HNRNPU: variants seen among roughly 807,000 people sequenced by gnomAD.
HNRNPU encodes the protein HNRNPU antisense RNA 1.
In HNRNPU, 5 loss-of-function variants were observed where a neutral mutation model predicts 94.7. The observed-to-expected ratio is 0.05, with a 90% CI of 0.03 to 0.11. The LOEUF (loss-of-function observed/expected upper bound fraction) is 0.11, where lower values mean the gene tolerates loss of function less well. Ranked by LOEUF, HNRNPU falls within the 10% of genes least tolerant of loss-of-function variation. HNRNPU has a pLI of 1.00. For synonymous variants in HNRNPU, 434 were observed against 381.6 expected (o/e 1.14, Z -1.60); for missense variants, 710 against 1,049.2 (o/e 0.68, Z 4.47).
intron 4 of HNRNPU, 151 bp downstream of exon 4, chr1:244,860,184 G>A (rs960612057): frequency 2.2e-5 from 13 of 594,164 alleles, no homozygotes; most frequent in South Asian, 4.5e-5. Context: ...CCTCTAGTCC[G>A]AGCTACTTGA....
Position 244,864,412 on chromosome 1 carries a change from G to GCTCCT in HNRNPU, c.-106_-105insAGGAG. On this transcript the variant is annotated 5_prime_UTR_variant, in exon 1 of 14. Coordinates refer to ENST00000640218, the MANE Select transcript of HNRNPU (RefSeq NM_031844.3). The stretch of plus-strand genomic sequence containing the variant: ...CTGCTCCTCGGCCCGGGCGGCGGCT[G>GCTCCT]CGGCTGCGGCTGGAGATGGGTTCGT... The GCTCCT allele has an allele frequency of 1.9e-6, 3 of 1,556,068 alleles. No homozygotes were observed. Among genetic ancestry groups the GCTCCT allele is most frequent in the Non-Finnish European group, 2.6e-6 (3 of 1,154,010 alleles).
chr1:244,859,409 C>T (rs938853030), intron 4 of HNRNPU, 35 bp from the exon 5 acceptor site: 11 of 1,043,782 alleles, frequency 1.1e-5, no homozygotes, highest in African/African-American at 7.8e-5. Context: ...TAAAATAATA[C>T]ACCAAGGAGG....
In HNRNPU at chr1:244,858,141, A is replaced by G. The variant is rs1410314713; in HGVS notation, c.1364T>C (p.Val455Ala). Reference protein sequence around the residue: ...FPHVLCHNCAVEFNFGQKEKP... With the variant: ...FPHVLCHNCAAEFNFGQKEKP... Reference sequence around the variant, plus strand: ...TTCCTTCTGACCAAAATTAAATTCAACTGCACAGTTGTGGCAGAGAACATG... The same window carrying G: ...TTCCTTCTGACCAAAATTAAATTCAGCTGCACAGTTGTGGCAGAGAACATG... Residue 455 changes from valine (V) to alanine (A), a missense_variant, in exon 7 of 14, where the codon GTT (valine) becomes GCT (alanine). Val to Ala is a moderately conservative substitution (Grantham distance 64). Transcript: ENST00000640218. 3 of 1,614,156 alleles carry G rather than the reference A, an allele frequency of 1.9e-6. No individual in the cohort carries two copies. The highest frequency in any genetic ancestry group is 1.7e-5 in the Admixed American group (1 of 60,016).
chr1:244,855,320 A>AT, intron 12 of HNRNPU, 104 bp downstream of exon 12: 1 of 1,130,658 alleles, frequency 8.8e-7, no homozygotes, highest in Non-Finnish European at 1.3e-6. Flanking sequence ...GTCAATGCCT[A>AT]TCATGTTCCT....
chr1:244,859,935 G>A (rs534906769), intron 4 of HNRNPU: 165 of 164,826 alleles, frequency 1.0e-3, no homozygotes, highest in African/African-American at 3.6e-3. Context: ...GGCTCAGGCG[G>A]GCAGATCACT....
chr1:244,863,091 T>G, intron 1 of HNRNPU: 2 of 211,556 alleles, frequency 9.5e-6, no homozygotes, highest in African/African-American at 2.4e-5. Flanking sequence ...GGCCGCATTG[T>G]ACTGATCTTC....
chr1:244,864,182 C>T lies in HNRNPU; in HGVS notation c.126G>A (p.Leu42=), dbSNP rs1271297441. ...GGCGGCCCCCGGCCTCCTCGTCGTC[C>T]AGCGCAGCCTGGAGTCGCTCCATGA... The part of the protein sequence containing the change: ...AELMERLQAA[L]DDEEAGGRPA... Residue 42 remains leucine (L), a synonymous_variant, in exon 1 of 14, where the codon CTG becomes CTA. Transcript: ENST00000640218. 1.9e-6 allele frequency: 3 copies of T among 1,608,488 alleles called. No homozygotes were observed. The highest frequency in any genetic ancestry group is 2.5e-6 in the Non-Finnish European group (3 of 1,177,858).
intron 12 of HNRNPU, 28 bp from the exon 13 acceptor site, chr1:244,855,072 C>G: frequency 6.3e-7 from 1 of 1,577,208 alleles, no homozygotes; most frequent in East Asian, 2.2e-5. Flanking sequence ...TCTCTAAGAG[C>G]TCTGAGCCCA....
intron 13 of HNRNPU, 49 bp from the exon 14 acceptor site, chr1:244,854,552 C>A: frequency 1.7e-6 from 2 of 1,211,922 alleles, no homozygotes; most frequent in South Asian, 1.2e-5. Context: ...ATAAGCCACT[C>A]AAACTGTTTT....
rs1280870146 is a variant in HNRNPU at position 244,863,682 on chromosome 1, T to C, written c.626A>G (p.Gln209Arg). ...TTCCGCCTTCTTCTTACCTCCCGCCTGCTGCTGGCCCTGCCTCGCCCCGGG... is the reference window on the plus strand; with the variant it reads ...TTCCGCCTTCTTCTTACCTCCCGCCCGCTGCTGGCCCTGCCTCGCCCCGGG... ...APPGARQGQQQAGGKKKAEGG... is the reference protein window; with the variant it reads ...APPGARQGQQRAGGKKKAEGG... Residue 209 changes from glutamine (Q) to arginine (R), a missense_variant, in exon 1 of 14, where the codon CAG becomes CGG. This residue lies in a region of HNRNPU where 292 missense variants were observed against 293.4 expected (regional missense o/e 1.00). Coordinates refer to ENST00000640218, the MANE Select transcript of HNRNPU (RefSeq NM_031844.3). 1 of 1,563,170 alleles carries C rather than the reference T, an allele frequency of 6.4e-7. No individual in the cohort carries two copies. Among genetic ancestry groups the C allele is most frequent in the Non-Finnish European group, 8.6e-7 (1 of 1,164,402 alleles).
chr1:244,864,494 C>A lies in HNRNPU; in HGVS notation c.-187G>T. On this transcript the variant is annotated 5_prime_UTR_variant, in exon 1 of 14. Coordinates refer to ENST00000640218, the MANE Select transcript of HNRNPU (RefSeq NM_031844.3). ...GCGCCAATTCCTTTCACCGAGTTCG[C>A]GAGGGAGACGCGGAGACTCGCCTGG... The A allele has an allele frequency of 1.0e-6, 1 of 992,088 alleles. No homozygotes were observed. The highest frequency in any genetic ancestry group is 1.4e-6 in the Non-Finnish European group (1 of 706,856). 61.5% of individuals were successfully genotyped at this position (992,088 alleles called of 1,614,324 possible).
In HNRNPU at chr1:244,851,132, A is replaced by G. The variant is rs1245840982; in HGVS notation, c.*3318T>C. ...CCAAGTTCCATCCACTTTTGAAAAC[A>G]AGACATTTATGTATAGGAAGAGAAT... is the stretch of plus-strand genomic sequence containing the variant. On this transcript the variant is annotated 3_prime_UTR_variant, in exon 14 of 14. Coordinates refer to ENST00000640218, the MANE Select transcript of HNRNPU (RefSeq NM_031844.3). 2 of 152,220 alleles carry G rather than the reference A, an allele frequency of 1.3e-5. No individual in the cohort carries two copies. The allele number at this position is 152,220 out of a possible 1,614,324, so 9.4% of individuals were successfully genotyped here.
intron 8 of HNRNPU, 104 bp downstream of exon 8, chr1:244,857,494 A>C (rs1340109833): frequency 8.4e-7 from 1 of 1,185,818 alleles, no homozygotes; most frequent in South Asian, 1.5e-5. Flanking sequence ...TGATCCATCC[A>C]CCTCAGCCTC....
Position 244,856,637 on chromosome 1 carries a change from G to A in HNRNPU, c.1744-12C>T. On this transcript the variant is annotated splice_polypyrimidine_tract_variant and intron_variant, in intron 9 of 13. Transcript: ENST00000640218. ...GCAGACACATTTGTCTTTAAAAAAA[G>A]AAATTTATGTTTACAACCCTAAACA... 6.2e-6 allele frequency: 10 copies of A among 1,611,686 alleles called. No homozygotes were observed. The highest frequency in any genetic ancestry group is 2.2e-5 in the East Asian group (1 of 44,862).
chr1:244,862,750 C>T lies in HNRNPU; in HGVS notation c.692-20G>A, dbSNP rs1484283262. ...CGTCCCCTAAAACACACACGAGCCC[C>T]ATAAAGGCCAAGCCTCTAAACAACA... is the stretch of plus-strand genomic sequence containing the variant. On this transcript the variant is annotated intron_variant, in intron 1 of 13. Transcript: ENST00000640218. 1 of 1,574,236 alleles carries T rather than the reference C, an allele frequency of 6.4e-7. No homozygotes were observed. Among genetic ancestry groups the T allele is most frequent in the Admixed American group, 1.7e-5 (1 of 59,982 alleles).
At chr1:244,861,124 C>A (rs1401247063) in intron 3 of HNRNPU, 1 of 152,240 alleles carries the variant, frequency 6.6e-6, no homozygotes, top group African/African-American at 2.4e-5. Context: ...AACCCAGCTA[C>A]CTATGGGTCA....
At chr1:244,859,198 G>A in intron 5 of HNRNPU, 77 bp downstream of exon 5, 2 of 749,554 alleles carry the variant, frequency 2.7e-6, no homozygotes, top group East Asian at 5.0e-5. Context: ...GGCTTAGAAT[G>A]CCCTCTAGTT....
chr1:244,860,398 A>G lies in HNRNPU; in HGVS notation c.954T>C (p.Phe318=), dbSNP rs1350905227. 1 of 1,613,890 alleles carries G rather than the reference A, an allele frequency of 6.2e-7. No homozygotes were observed. Among genetic ancestry groups the G allele is most frequent in the Non-Finnish European group, 8.5e-7 (1 of 1,179,742 alleles). Residue 318 remains phenylalanine, a synonymous_variant, in exon 4 of 14, where the codon TTT becomes TTC. Transcript: ENST00000640218. ...ASSLTMESFA[F]LWAGGRASYG... is the part of the protein sequence containing the mutation. Reference sequence around the variant, plus strand: ...AGGATGCTCTTCCTCCAGCCCAAAGAAAAGCAAAACTCTCCATTGTAAGGG... The same window carrying G: ...AGGATGCTCTTCCTCCAGCCCAAAGGAAAGCAAAACTCTCCATTGTAAGGG...
Position 244,854,278 on chromosome 1 carries a change from T to C in HNRNPU, c.*172A>G. ...TTACGATTCACTTTTAAACTGCAAT[T>C]AAAAATGTACAAAAAAGAAAAGAAA... On this transcript the variant is annotated 3_prime_UTR_variant, in exon 14 of 14. Coordinates refer to ENST00000640218, the MANE Select transcript of HNRNPU (RefSeq NM_031844.3). The C allele has an allele frequency of 1.6e-6, 1 of 622,548 alleles. No homozygotes were observed. The highest frequency in any genetic ancestry group is 2.9e-6 in the Non-Finnish European group (1 of 348,228). The allele number at this position is 622,548 out of a possible 1,614,324, so 38.6% of individuals were successfully genotyped here.
Sources: allele counts gnomAD v4.1 joint callset, GRCh38; gene constraint gnomAD v4.1.1; regional missense constraint gnomAD v4.1.1; transcripts MANE v1.5; gene names NCBI Gene and HGNC (gene_info 2026-07-23, HGNC 2026-07-21).